LRIG1: variants seen among roughly 807,000 people sequenced by gnomAD.
LRIG1 encodes leucine rich repeats and immunoglobulin like domains 1.
In LRIG1, 48 loss-of-function variants were observed where a neutral mutation model predicts 99.2. The observed-to-expected ratio is 0.48, with a 90% confidence interval of 0.38 to 0.62. The LOEUF is 0.62. LRIG1 is among the 20% of genes least tolerant of loss of function. LRIG1 has a pLI of 0.00. For missense variants in LRIG1, 1,646 were observed against 1,434.4 expected, an observed-to-expected ratio of 1.15 and a Z score of -2.38; for synonymous variants, 772 against 596.1, an observed-to-expected ratio of 1.29 and a Z score of -4.30.
In LRIG1 at chr3:66,410,202, G is replaced by C; in HGVS notation, c.862C>G (p.Leu288Val). Residue 288 changes from leucine (L) to valine (V), a missense_variant, in exon 7 of 19, where the codon CTC (leucine) becomes GTC (valine). Coordinates refer to ENST00000273261, the MANE Select transcript of LRIG1 (RefSeq NM_015541.3). ...SLYGLTALHQ[L>V]HLSNNSIARI... is the part of the protein sequence containing the mutation. The stretch of plus-strand genomic sequence containing the variant: ...GCGATGGAATTGTTGCTGAGGTGGA[G>C]CTGATGCAGGGCCGTGAGGCCGTAG... 6.2e-7 allele frequency: 1 copy of C among 1,614,132 alleles called. No homozygotes were observed. The highest frequency in any genetic ancestry group is 2.2e-5 in the East Asian group (1 of 44,894).
chr3:66,422,573 C>G (rs1414208061), intron 3 of LRIG1, among the ~76,000 whole-genome samples: 3 of 152,156 alleles, frequency 2.0e-5, no homozygotes, highest in Non-Finnish European at 4.4e-5. Flanking sequence ...TTGTTCATGT[C>G]ACTATCAGCA....
intron 6 of LRIG1, among the ~76,000 whole-genome samples, 169 bp downstream of exon 6, chr3:66,412,696 ACACGCG>A (rs1702507917): frequency 6.6e-6 from 1 of 152,194 alleles, no homozygotes; most frequent in Non-Finnish European, 1.5e-5. Flanking sequence ...GCGCACGTGC[ACACGCG>A]CACGCACACA....
rs775283566 is a variant in LRIG1 at position 66,380,764 on chromosome 3, G to C, written c.2868C>G (p.Ser956Arg). 6 of 1,614,092 alleles carry C rather than the reference G, an allele frequency of 3.7e-6. No individual in the cohort carries two copies. The highest frequency in any genetic ancestry group is 5.1e-6 in the Non-Finnish European group (6 of 1,180,038). Residue 956 changes from serine to arginine, a missense_variant, in exon 18 of 19, where the codon AGC becomes AGG. Transcript: ENST00000273261. The stretch of plus-strand genomic sequence containing the variant: ...GGCCATTTGGCGCACTTGGCTGTGC[G>C]CTGTCTCTGGACACAGGCTGGGGGT... Reference protein sequence around the residue: ...AFHPQPVSRDSAQPSAPNGPE... With the variant: ...AFHPQPVSRDRAQPSAPNGPE...
chr3:66,421,510 C>G (rs553486820), intron 3 of LRIG1, among the ~76,000 whole-genome samples: 1 of 152,322 alleles, frequency 6.6e-6, no homozygotes, highest in South Asian at 2.1e-4. Flanking sequence ...CCAGATCACG[C>G]TGATGCAAGA....
intron 10 of LRIG1, 141 bp downstream of exon 10, chr3:66,398,829 G>A (rs1701949626): frequency 1.4e-6 from 1 of 692,022 alleles, no homozygotes; most frequent in Non-Finnish European, 2.5e-6. Context: ...AGCTGAAGCT[G>A]ACATAATGAG....
At chr3:66,383,945 C>T (rs917453477) in intron 14 of LRIG1, 46 bp downstream of exon 14, 16 of 1,564,738 alleles carry the variant, frequency 1.0e-5, no homozygotes, top group East Asian at 2.3e-5. Context: ...CTCTCTCTCT[C>T]GCTCACACAC....
At chr3:66,396,330 G>A (rs562858438) in intron 11 of LRIG1, among the ~76,000 whole-genome samples, 12 of 152,352 alleles carry the variant, frequency 7.9e-5, no homozygotes, top group African/African-American at 2.2e-4. Flanking sequence ...AGAGCACAGC[G>A]CCATCGGCTC....
intron 3 of LRIG1, among the ~76,000 whole-genome samples, chr3:66,426,839 T>G (rs544561975): frequency 6.6e-6 from 1 of 152,176 alleles, no homozygotes; most frequent in Non-Finnish European, 1.5e-5. Context: ...CCCTAAGATC[T>G]AAGAAGCTGT....
intron 12 of LRIG1, among the ~76,000 whole-genome samples, chr3:66,393,501 G>T (rs143030481): frequency 5.3e-4 from 81 of 152,350 alleles, no homozygotes; most frequent in Non-Finnish European, 1.0e-3. Context: ...CAAAAAGATG[G>T]CAAGAGCTAC....
chr3:66,388,243 G>A (rs1262189523), intron 12 of LRIG1: 1 of 151,744 alleles, frequency 6.6e-6, no homozygotes, highest in Non-Finnish European at 1.5e-5. Context: ...TTCACTAGAG[G>A]GGCTTGACAG....
intron 3 of LRIG1, among the ~76,000 whole-genome samples, chr3:66,427,541 T>C (rs1300451382): frequency 2.0e-5 from 3 of 152,208 alleles, no homozygotes; most frequent in Non-Finnish European, 4.4e-5. Context: ...GACTCTGGCC[T>C]GTAATCCCAA....
At chr3:66,405,373 T>C (rs3796148) in intron 8 of LRIG1, 95 bp from the exon 9 acceptor site, 224,156 of 954,752 alleles carry the variant, frequency 0.23, 27,887 homozygotes, top group Admixed American at 0.37. Flanking sequence ...TGAAGTCCCC[T>C]GGGTGCATGC....
chr3:66,434,143 A>C (rs562952542), intron 3 of LRIG1, among the ~76,000 whole-genome samples: 21 of 152,358 alleles, frequency 1.4e-4, no homozygotes, highest in African/African-American at 5.0e-4. Flanking sequence ...CTAAGATGAA[A>C]AGACAAGCTA....
rs954787082 is a variant in LRIG1 at position 66,380,976 on chromosome 3, CTG to C, written c.2771-117_2771-116del. The C allele has an allele frequency of 2.2e-5, 22 of 1,002,358 alleles. No homozygotes were observed. In the African/African-American group the frequency reaches 2.4e-4, roughly 11 times the overall value. 62.1% of individuals were successfully genotyped at this position (1,002,358 alleles called of 1,614,324 possible). ...AAGGTGAGAACCCTGACTGCAAACA[CTG>C]TATGCATGCTTCCTCTTTTCCCCAA... On this transcript the variant is annotated intron_variant, in intron 17 of 18. Coordinates refer to ENST00000273261, the MANE Select transcript of LRIG1 (RefSeq NM_015541.3).
intron 9 of LRIG1, chr3:66,404,190 C>T: frequency 8.0e-7 from 1 of 1,248,608 alleles, no homozygotes. Flanking sequence ...CCACGCTTTT[C>T]AAAACAAATC....
chr3:66,462,633 A>G, intron 1 of LRIG1, 124 bp from the exon 2 acceptor site: 1 of 698,002 alleles, frequency 1.4e-6, no homozygotes, highest in Non-Finnish European at 2.6e-6. Context: ...ATGATCATGT[A>G]TTAAGTAACC....
intron 12 of LRIG1, among the ~76,000 whole-genome samples, chr3:66,392,914 G>A (rs1350012311): frequency 6.6e-6 from 1 of 152,222 alleles, no homozygotes; most frequent in African/African-American, 2.4e-5. Context: ...ATTCCACACA[G>A]AAGGCTCCAT....
At chr3:66,474,061 C>T (rs943345947) in intron 1 of LRIG1, among the ~76,000 whole-genome samples, 3 of 152,158 alleles carry the variant, frequency 2.0e-5, no homozygotes, top group Admixed American at 1.3e-4. Flanking sequence ...TGAGAAGACA[C>T]GAAGTCAAGA....
At chr3:66,452,370 C>T (rs1331418588) in intron 2 of LRIG1, among the ~76,000 whole-genome samples, 1 of 152,218 alleles carries the variant, frequency 6.6e-6, no homozygotes, top group Non-Finnish European at 1.5e-5. Context: ...CAAAGCACGG[C>T]TCGCCTGGTC....
Sources: allele counts gnomAD v4.1 joint callset (sites outside exome capture counted in the v4.1 genomes callset), GRCh38; gene constraint gnomAD v4.1.1; transcripts MANE v1.5; gene names NCBI Gene and HGNC (gene_info 2026-07-23, HGNC 2026-07-21).